STON1: variants seen among roughly 807,000 people sequenced by gnomAD.
STON1 encodes the protein stonin-1.
In STON1, 79 loss-of-function variants were observed where a neutral mutation model predicts 60.9. That is an observed-to-expected ratio of 1.30 (90% CI 1.08 to 1.56). STON1 has a LOEUF of 1.56. Among genes scored for constraint, STON1 ranks in the 40% most tolerant of loss-of-function variants. STON1 has a pLI of 0.00. For missense variants in STON1, 1,166 were observed against 858.9 expected (o/e 1.36, Z -4.47); for synonymous variants, 363 against 306.9 (o/e 1.18, Z -1.91).
At chr2:48,557,022 G>C (rs1368865795) in intron 1 of STON1, among the ~76,000 whole-genome samples, 2 of 91,816 alleles carry the variant, frequency 2.2e-5, no homozygotes, top group African/African-American at 4.2e-5. Flanking sequence ...GGGCGGGGGG[G>C]CTGACCCCCC....
chr2:48,579,004 CTT>C (rs148221986), intron 1 of STON1, among the ~76,000 whole-genome samples: 1 of 146,464 alleles, frequency 6.8e-6, no homozygotes, highest in African/African-American at 2.5e-5. Context: ...TTCAACACCA[CTT>C]TTTTTTTTTT....
At position 48,582,479 on chromosome 2, in the gene STON1, C is replaced by A. The variant is rs541869945; in HGVS notation, c.1846C>A (p.Gln616Lys). The A allele has an allele frequency of 6.2e-6, 10 of 1,614,186 alleles. No individual in the cohort carries two copies. The African/African-American group carries it at 1.2e-4, about 19-fold the overall frequency. The change falls in exon 2 of 4, where the codon CAA (glutamine) becomes AAA (lysine). Residue 616 changes from glutamine (Q) to lysine (K), a missense_variant. Gln to Lys is a moderately conservative substitution (Grantham distance 53). Transcript: ENST00000404752. ...LQELESEPVI[Q>K]VTVGSAKYES... The stretch of plus-strand genomic sequence containing the variant: ...GGAACTTGAATCTGAACCTGTCATT[C>A]AAGTCACTGTGGGGTCAGCAAAATA...
At chr2:48,566,670 T>C (rs1025243799) in intron 1 of STON1, among the ~76,000 whole-genome samples, 2 of 152,178 alleles carry the variant, frequency 1.3e-5, no homozygotes, top group Non-Finnish European at 2.9e-5. Context: ...GGTTGGTCCA[T>C]GTGAAATCCA....
At chr2:48,580,097 AG>A (rs1383448227) in intron 1 of STON1, among the ~76,000 whole-genome samples, 1 of 152,014 alleles carries the variant, frequency 6.6e-6, no homozygotes, top group Non-Finnish European at 1.5e-5. Context: ...TTGTAGAGAC[AG>A]GGTTTTGCTA....
At chr2:48,578,706 C>T (rs1348070592) in intron 1 of STON1, among the ~76,000 whole-genome samples, 1 of 150,956 alleles carries the variant, frequency 6.6e-6, no homozygotes, top group African/African-American at 2.4e-5. Context: ...CTCCTGCCCA[C>T]CACCATGCCT....
chr2:48,587,945 G>A (rs1208666064), intron 2 of STON1, among the ~76,000 whole-genome samples: 10 of 152,202 alleles, frequency 6.6e-5, no homozygotes, highest in Non-Finnish European at 1.5e-5. Flanking sequence ...CCTGCCCCAA[G>A]CTTCTCCGTT....
In STON1 at chr2:48,581,235, C is replaced by A. The variant is rs1039844908; in HGVS notation, c.602C>A (p.Pro201Gln). ...GSDSHFTLDP[P>Q]GSKKMFSSRN... ...GATTCCCATTTCACCCTTGACCCAC[C>A]AGGAAGCAAAAAGATGTTCTCATCA... Residue 201 changes from proline to glutamine, a missense_variant, in exon 2 of 4, where the codon CCA becomes CAA. Coordinates refer to ENST00000404752, the MANE Select transcript of STON1 (RefSeq NM_006873.4). The A allele has an allele frequency of 6.6e-7, 1 of 1,516,562 alleles. No homozygotes were observed. Among genetic ancestry groups the A allele is most frequent in the Non-Finnish European group, 8.8e-7 (1 of 1,138,110 alleles). 93.9% of individuals were successfully genotyped at this position (1,516,562 alleles called of 1,614,324 possible).
intron 1 of STON1, among the ~76,000 whole-genome samples, chr2:48,537,863 GA>G (rs1201022900): frequency 4.4e-5 from 6 of 137,262 alleles, no homozygotes; most frequent in South Asian, 4.6e-4. Flanking sequence ...AAAAAAAAAA[GA>G]AAAAAAAAGG....
At chr2:48,545,338 T>C (rs546037854) in intron 1 of STON1, among the ~76,000 whole-genome samples, 1 of 152,188 alleles carries the variant, frequency 6.6e-6, no homozygotes, top group Non-Finnish European at 1.5e-5. Flanking sequence ...TGCTTGTCGG[T>C]ATTGGCCTCC....
At chr2:48,563,007 GC>G (rs1361179654) in intron 1 of STON1, among the ~76,000 whole-genome samples, 1 of 152,232 alleles carries the variant, frequency 6.6e-6, no homozygotes, top group African/African-American at 2.4e-5. Context: ...GACTGACCTT[GC>G]CCTCTGAAGT....
chr2:48,594,169 T>A (rs1400040061), intron 3 of STON1, among the ~76,000 whole-genome samples: 1 of 152,174 alleles, frequency 6.6e-6, no homozygotes, highest in Non-Finnish European at 1.5e-5. Context: ...CACTCTCCAG[T>A]AAACTTTCTG....
chr2:48,581,684 C>T lies in STON1; in HGVS notation c.1051C>T (p.His351Tyr), dbSNP rs1673894564. Residue 351 changes from histidine (H) to tyrosine (Y), a missense_variant, in exon 2 of 4, where the codon CAT (histidine) becomes TAT (tyrosine). His to Tyr is a moderately conservative substitution (Grantham distance 83). Coordinates refer to ENST00000404752, the MANE Select transcript of STON1 (RefSeq NM_006873.4). The stretch of plus-strand genomic sequence containing the variant: ...AAAAATCCACACTGTGAAGATTGAA[C>T]ATGTGTCTTACACAGAAAAAAGGAA... ...AGKIHTVKIE[H>Y]VSYTEKRKYH... 1.9e-6 allele frequency: 3 copies of T among 1,613,116 alleles called. No individual in the cohort carries two copies.
At chr2:48,554,708 T>A (rs1181250306) in intron 1 of STON1, among the ~76,000 whole-genome samples, 14 of 40,952 alleles carry the variant, frequency 3.4e-4, no homozygotes, top group Non-Finnish European at 6.9e-4. Flanking sequence ...AAGTGCAAAA[T>A]TTTTTTTTTT....
intron 1 of STON1, among the ~76,000 whole-genome samples, chr2:48,566,503 A>G (rs546327451): frequency 5.6e-4 from 84 of 150,954 alleles, no homozygotes; most frequent in African/African-American, 2.0e-3. Flanking sequence ...GGCTGGTCTC[A>G]ATCTTCTGAC....
At chr2:48,547,874 C>T (rs1237259256) in intron 1 of STON1, among the ~76,000 whole-genome samples, 3 of 152,206 alleles carry the variant, frequency 2.0e-5, no homozygotes, top group Admixed American at 6.5e-5. Context: ...GTTTACGCAG[C>T]ACAGGGTAAT....
rs770150678 is a variant in STON1 at position 48,581,311 on chromosome 2, C to G, written c.678C>G (p.Leu226=). ...AAAAAAGCCTAAATAAGTGTTCACT[C>G]AACTATATCTGTGAGAAGCTTGAAC... is the stretch of plus-strand genomic sequence containing the variant. ...IDQKSLNKCS[L]NYICEKLEHL... The change falls in exon 2 of 4, where the codon CTC becomes CTG. Residue 226 remains leucine (L), a synonymous_variant. Coordinates refer to ENST00000404752, the MANE Select transcript of STON1 (RefSeq NM_006873.4). 1.8e-5 allele frequency: 27 copies of G among 1,527,946 alleles called. No homozygotes were observed. The highest frequency in any genetic ancestry group is 1.3e-4 in the Admixed American group (6 of 45,378). 94.6% of individuals were successfully genotyped at this position (1,527,946 alleles called of 1,614,324 possible).
chr2:48,563,509 T>C (rs891713889), intron 1 of STON1, among the ~76,000 whole-genome samples: 2 of 152,136 alleles, frequency 1.3e-5, no homozygotes, highest in Non-Finnish European at 2.9e-5. Context: ...AAGAAGCTGC[T>C]ATAGGCACAG....
chr2:48,565,250 C>T (rs1672890271), intron 1 of STON1, among the ~76,000 whole-genome samples: 1 of 151,882 alleles, frequency 6.6e-6, no homozygotes, highest in African/African-American at 2.4e-5. Context: ...GACAGGGTTT[C>T]ACCATGTTAG....
chr2:48,595,716 G>T lies in STON1; in HGVS notation c.*414G>T, dbSNP rs1674758305. On this transcript the variant is annotated 3_prime_UTR_variant, in exon 4 of 4. Transcript: ENST00000404752. The stretch of plus-strand genomic sequence containing the variant: ...GTACTAGAGGGTAAGGGAATCAAAG[G>T]AGACATAAACCAAAATAGTTAATTT... 1 of 169,976 alleles carries T rather than the reference G, an allele frequency of 5.9e-6. No individual in the cohort carries two copies. Among genetic ancestry groups the T allele is most frequent in the East Asian group, 1.8e-4 (1 of 5,408 alleles). The allele number at this position is 169,976 out of a possible 1,614,324, so 10.5% of individuals were successfully genotyped here.
Sources: allele counts gnomAD v4.1 joint callset (sites outside exome capture counted in the v4.1 genomes callset), GRCh38; gene constraint gnomAD v4.1.1; transcripts MANE v1.5; gene names NCBI Gene and HGNC (gene_info 2026-07-23, HGNC 2026-07-21).